PARD3B: variants seen among roughly 807,000 people sequenced by gnomAD.
PARD3B encodes the protein par-3 family cell polarity regulator beta, also known as partitioning defective 3 homolog B.
In PARD3B, 103 loss-of-function variants were observed where a neutral mutation model predicts 130.2. The observed-to-expected ratio is 0.79, with a 90% CI of 0.67 to 0.93. The LOEUF is 0.93. PARD3B is among the 40% of genes least tolerant of loss of function. PARD3B has a pLI of 0.00. For missense variants in PARD3B, 1,609 were observed against 1,499.2 expected (o/e 1.07, Z -1.21); for synonymous variants, 583 against 553.2 (o/e 1.05, Z -0.76).
intron 3 of PARD3B, among the ~76,000 whole-genome samples, chr2:205,037,445 AATAT>A (rs1222610815): frequency 6.8e-6 from 1 of 147,824 alleles, no homozygotes; most frequent in Non-Finnish European, 1.5e-5. Context: ...ATATGCATAA[AATAT>A]ATATGGTGGA....
chr2:204,859,238 T>TAAGCA lies in PARD3B; in HGVS notation c.223-105914_223-105913insAAGCA, dbSNP rs1226502752. 2.6e-5 allele frequency among the ~76,000 whole-genome samples: 4 copies of TAAGCA among 152,166 alleles called. No homozygotes were observed. In the East Asian group the frequency reaches 7.7e-4, roughly 29 times the overall value. On this transcript the variant is annotated intron_variant, in intron 2 of 22. Transcript: ENST00000406610. ...TTTATTTAGTGGTATTCGGAAGTAT[T>TAAGCA]CGACTTTAACAAGTATGTGCTGTTC...
chr2:205,045,770 TACAC>T (rs575548645), intron 3 of PARD3B, among the ~76,000 whole-genome samples: 6 of 150,472 alleles, frequency 4.0e-5, no homozygotes, highest in Admixed American at 3.3e-4. Flanking sequence ...TCTCCATATA[TACAC>T]ACACACACAC....
intron 3 of PARD3B, among the ~76,000 whole-genome samples, chr2:204,987,983 AAG>A (rs1693315858): frequency 1.3e-5 from 2 of 152,034 alleles, no homozygotes; most frequent in Admixed American, 1.3e-4. Context: ...ACTTCAGGGA[AAG>A]AGGTAGTTAG....
intron 1 of PARD3B, among the ~76,000 whole-genome samples, chr2:204,684,191 C>T (rs187373949): frequency 1.2e-4 from 18 of 152,198 alleles, no homozygotes; most frequent in Admixed American, 2.6e-4. Context: ...TTACCTCCAT[C>T]GTAGGTGATA....
chr2:205,470,726 C>CCA lies in PARD3B; in HGVS notation c.3045-29168_3045-29167dup, dbSNP rs1197574879. On this transcript the variant is annotated intron_variant, in intron 20 of 22. Transcript: ENST00000406610. The surrounding 1 kb of genome is among the most constrained non-coding windows in gnomAD (Gnocchi z 4.8). ...GTAATGAGGTTTCAAACAGATGTGG[C>CCA]CACTGCCCCTAGGAGTTGGATAGGA... 3.3e-5 allele frequency among the ~76,000 whole-genome samples: 5 copies of CCA among 152,190 alleles called. No individual in the cohort carries two copies. Among genetic ancestry groups the CCA allele is most frequent in the African/African-American group, 1.2e-4 (5 of 41,452 alleles).
chr2:204,924,858 ACT>A (rs1377532943), intron 2 of PARD3B, among the ~76,000 whole-genome samples: 4 of 152,058 alleles, frequency 2.6e-5, no homozygotes, highest in Non-Finnish European at 5.9e-5. Context: ...ATAAAAGACA[ACT>A]CTGCAAAAAC....
At chr2:204,877,887 A>C (rs1226268939) in intron 2 of PARD3B, among the ~76,000 whole-genome samples, 1 of 152,174 alleles carries the variant, frequency 6.6e-6, no homozygotes, top group Non-Finnish European at 1.5e-5. Context: ...TGGCTACAGC[A>C]ATTTAACTAT....
chr2:204,991,210 A>G (rs899172123), intron 3 of PARD3B, among the ~76,000 whole-genome samples: 49 of 148,174 alleles, frequency 3.3e-4, no homozygotes, highest in Admixed American at 4.7e-4. Context: ...ATATCTCCCA[A>G]TGCTATCCCT....
intron 2 of PARD3B, among the ~76,000 whole-genome samples, chr2:204,748,065 A>G (rs1465185361): frequency 2.6e-5 from 4 of 152,064 alleles, no homozygotes; most frequent in African/African-American, 7.2e-5. Flanking sequence ...AAAATATAAT[A>G]ATATATTTTA....
At chr2:205,136,882 A>G (rs559248136) in intron 10 of PARD3B, among the ~76,000 whole-genome samples, 1 of 152,324 alleles carries the variant, frequency 6.6e-6, no homozygotes, top group African/African-American at 2.4e-5. Context: ...ACAGGAATCA[A>G]TTGTTCAGCA....
At chr2:204,681,207 T>C (rs960804434) in intron 1 of PARD3B, among the ~76,000 whole-genome samples, 3 of 152,186 alleles carry the variant, frequency 2.0e-5, no homozygotes, top group Non-Finnish European at 4.4e-5. Flanking sequence ...TTCCTTGAAG[T>C]CTCCTTTATC....
chr2:205,530,694 C>T lies in PARD3B; in HGVS notation c.3181-22630C>T, dbSNP rs1186059979. 6.6e-6 allele frequency among the ~76,000 whole-genome samples: 1 copy of T among 151,586 alleles called. No individual in the cohort carries two copies. The highest frequency in any genetic ancestry group is 6.6e-5 in the Admixed American group (1 of 15,256). ...AGCAGGGTAAGAGCTAACTTGGATT[C>T]CTTTCTTTCATAATCCCCTACAAAG... On this transcript the variant is annotated intron_variant, in intron 21 of 22. Coordinates refer to ENST00000406610, the MANE Select transcript of PARD3B (RefSeq NM_001302769.2). The surrounding 1 kb of genome is among the most constrained non-coding windows in gnomAD (Gnocchi z 4.7).
Position 205,210,537 on chromosome 2 carries a change from C to A in PARD3B, c.2140+17217C>A, listed in dbSNP as rs1295182449. On this transcript the variant is annotated intron_variant, in intron 15 of 22. Transcript: ENST00000406610. ...CTTCTAGAAACAGGAATGCATTGAG[C>A]CTGCTAGTACATCAACCTTTGTAAA... 2.6e-5 allele frequency among the ~76,000 whole-genome samples: 4 copies of A among 152,180 alleles called. No individual in the cohort carries two copies. In the East Asian group the frequency reaches 7.7e-4, roughly 29 times the overall value.
intron 2 of PARD3B, among the ~76,000 whole-genome samples, chr2:204,805,396 A>G (rs1163749376): frequency 6.6e-6 from 1 of 152,138 alleles, no homozygotes; most frequent in Non-Finnish European, 1.5e-5. Flanking sequence ...ACCAATAACA[A>G]CTAATGAAAT....
At chr2:204,816,830 C>T (rs2043164607) in intron 2 of PARD3B, among the ~76,000 whole-genome samples, 1 of 151,744 alleles carries the variant, frequency 6.6e-6, no homozygotes, top group African/African-American at 2.4e-5. Flanking sequence ...GAATATTTTT[C>T]TCTTCCCCCT....
At chr2:205,024,366 G>T (rs1440146477) in intron 3 of PARD3B, among the ~76,000 whole-genome samples, 1 of 151,490 alleles carries the variant, frequency 6.6e-6, no homozygotes, top group South Asian at 2.1e-4. Context: ...ATGGGGTTTT[G>T]CCATGTTGGG....
At chr2:205,337,430 G>A (rs1331324040) in intron 18 of PARD3B, among the ~76,000 whole-genome samples, 2 of 152,176 alleles carry the variant, frequency 1.3e-5, no homozygotes, top group Non-Finnish European at 2.9e-5. Context: ...CTGTTGGAAA[G>A]CACATGCACT....
chr2:204,691,956 GAAC>G (rs2037373845), intron 2 of PARD3B, among the ~76,000 whole-genome samples: 1 of 152,214 alleles, frequency 6.6e-6, no homozygotes, highest in African/African-American at 2.4e-5. Context: ...CCTTTTATCA[GAAC>G]ATATTATTTG....
intron 2 of PARD3B, among the ~76,000 whole-genome samples, chr2:204,950,470 A>T (rs1370952896): frequency 6.6e-6 from 1 of 152,168 alleles, no homozygotes; most frequent in African/African-American, 2.4e-5. Flanking sequence ...ATTCTAAGAA[A>T]GAGTACCAGT....
Sources: gnomAD v4.1 joint callset for allele counts (sites outside exome capture counted in the v4.1 genomes callset) on GRCh38, gnomAD v4.1.1 for gene constraint, Gnocchi (gnomAD v3.1) non-coding constraint, MANE v1.5 for transcripts, NCBI Gene and HGNC (gene_info 2026-07-23, HGNC 2026-07-21) for gene names.